The following KCNK13 variants were observed in gnomAD, a reference collection of about 807,000 sequenced individuals.
KCNK13 encodes potassium channel subfamily K member 13.
A neutral mutation model predicts 23.4 loss-of-function variants in KCNK13; 12 were observed. The ratio of observed to expected loss-of-function variants is 0.51; its 90% CI spans 0.33 to 0.83. KCNK13 has a LOEUF of 0.83. KCNK13 is among the 40% of genes least tolerant of loss of function. KCNK13 has a pLI of 0.02. For missense variants in KCNK13, 463 were observed against 556.3 expected (o/e 0.83, Z 1.69); for synonymous variants, 231 against 229.5 (o/e 1.01, Z -0.06).
At chr14:90,140,940 C>G (rs947421217) in intron 1 of KCNK13, among the ~76,000 whole-genome samples, 1 of 152,162 alleles carries the variant, frequency 6.6e-6, no homozygotes, top group Non-Finnish European at 1.5e-5. Flanking sequence ...GCCACCCACT[C>G]TCACATTAGG....
At chr14:90,093,147 G>T in intron 1 of KCNK13, among the ~76,000 whole-genome samples, 1 of 152,064 alleles carries the variant, frequency 6.6e-6, no homozygotes, top group East Asian at 1.9e-4. Context: ...AACACTCCAT[G>T]CAAGATGAGG....
intron 1 of KCNK13, among the ~76,000 whole-genome samples, chr14:90,111,906 A>C (rs563595023): frequency 3.6e-4 from 55 of 152,290 alleles, no homozygotes; most frequent in African/African-American, 1.3e-3. Flanking sequence ...CAGGTGGGTC[A>C]CTGGGCCACA....
At chr14:90,141,966 T>C (rs56099833) in intron 1 of KCNK13, among the ~76,000 whole-genome samples, 9,706 of 151,742 alleles carry the variant, frequency 0.064, 401 homozygotes, top group South Asian at 0.21. Context: ...TTTGTATTTT[T>C]TTAGTAGAGA....
chr14:90,150,751 G>A (rs1890126089), intron 1 of KCNK13, among the ~76,000 whole-genome samples: 1 of 152,170 alleles, frequency 6.6e-6, no homozygotes, highest in Non-Finnish European at 1.5e-5. Context: ...GGGCCTTGGT[G>A]GGAGGTGATT....
chr14:90,100,817 C>A (rs28537286), intron 1 of KCNK13, among the ~76,000 whole-genome samples: 5 of 151,554 alleles, frequency 3.3e-5, no homozygotes, highest in African/African-American at 1.2e-4. Context: ...TCAGCCTCTC[C>A]AGCAGCTGGG....
At chr14:90,171,519 T>C (rs1190158493) in intron 1 of KCNK13, among the ~76,000 whole-genome samples, 1 of 152,220 alleles carries the variant, frequency 6.6e-6, no homozygotes, top group Non-Finnish European at 1.5e-5. Flanking sequence ...GACACGTGCC[T>C]GTGATGCAGC....
chr14:90,105,699 A>C (rs1889536213), intron 1 of KCNK13, among the ~76,000 whole-genome samples: 1 of 152,002 alleles, frequency 6.6e-6, no homozygotes, highest in African/African-American at 2.4e-5. Flanking sequence ...CCTTGAATCC[A>C]ACTCTAAACA....
chr14:90,080,315 G>A (rs1889192089), intron 1 of KCNK13, among the ~76,000 whole-genome samples: 1 of 152,038 alleles, frequency 6.6e-6, no homozygotes, highest in African/African-American at 2.4e-5. Flanking sequence ...AATTAGCCGG[G>A]CCTGGTGGCG....
intron 1 of KCNK13, among the ~76,000 whole-genome samples, chr14:90,077,051 C>T (rs937852779): frequency 2.0e-5 from 3 of 150,324 alleles, no homozygotes; most frequent in Non-Finnish European, 3.0e-5. Context: ...GATCTCCTGA[C>T]CTCGTGATCC....
chr14:90,093,029 G>A (rs1470947055), intron 1 of KCNK13, among the ~76,000 whole-genome samples: 1 of 151,918 alleles, frequency 6.6e-6, no homozygotes. Flanking sequence ...CTCTGGGTAT[G>A]GGGTGGACAC....
intron 1 of KCNK13, among the ~76,000 whole-genome samples, chr14:90,064,124 C>T (rs143253282): frequency 2.6e-4 from 40 of 152,334 alleles, no homozygotes; most frequent in African/African-American, 8.2e-4. Flanking sequence ...TCACCTCCCA[C>T]GTCCCAGAAG....
At chr14:90,133,868 A>G (rs1350794112) in intron 1 of KCNK13, among the ~76,000 whole-genome samples, 1 of 152,126 alleles carries the variant, frequency 6.6e-6, no homozygotes, top group Non-Finnish European at 1.5e-5. Context: ...AGAGCTTTTC[A>G]CAGTGCACTG....
At chr14:90,165,034 G>A (rs369816425) in intron 1 of KCNK13, among the ~76,000 whole-genome samples, 1 of 152,342 alleles carries the variant, frequency 6.6e-6, no homozygotes, top group South Asian at 2.1e-4. Context: ...ATGGTGGAAG[G>A]CAAAGGGGAA....
At chr14:90,064,333 G>GTGCTCCCAGTGGGCACAGAGTCTTGA (rs377293341) in intron 1 of KCNK13, among the ~76,000 whole-genome samples, 1,795 of 115,888 alleles carry the variant, frequency 0.015, 38 homozygotes, top group African/African-American at 0.043. Context: ...CCATCTCTTG[G>GTGCTCCCAGTGGGCACAGAGTCTTGA]TGCTCCCAGT....
chr14:90,100,865 T>G (rs944988529), intron 1 of KCNK13, among the ~76,000 whole-genome samples: 1 of 151,536 alleles, frequency 6.6e-6, no homozygotes, highest in Non-Finnish European at 1.5e-5. Flanking sequence ...GCCAATTGTT[T>G]TATTTATTTG....
At chr14:90,119,068 T>TA (rs1245722421) in intron 1 of KCNK13, among the ~76,000 whole-genome samples, 2 of 152,110 alleles carry the variant, frequency 1.3e-5, no homozygotes, top group Non-Finnish European at 2.9e-5. Context: ...CCTGGACACA[T>TA]ACATCCTCCT....
At chr14:90,063,166 C>G (rs1297953882) in intron 1 of KCNK13, among the ~76,000 whole-genome samples, 1 of 152,104 alleles carries the variant, frequency 6.6e-6, no homozygotes, top group African/African-American at 2.4e-5. Context: ...GAACTGAAAG[C>G]GCGGTTGCAC....
chr14:90,149,846 A>G (rs1890115322), intron 1 of KCNK13, among the ~76,000 whole-genome samples: 1 of 152,222 alleles, frequency 6.6e-6, no homozygotes, highest in African/African-American at 2.4e-5. Flanking sequence ...AGGGCAAAAG[A>G]TGATTGAGGT....
At chr14:90,077,526 A>T (rs1019328088) in intron 1 of KCNK13, among the ~76,000 whole-genome samples, 2 of 152,204 alleles carry the variant, frequency 1.3e-5, no homozygotes, top group African/African-American at 4.8e-5. Context: ...TTCGTGTTTT[A>T]AAAAGTCTAC....
Sources: gnomAD v4.1 joint callset for allele counts (sites outside exome capture counted in the v4.1 genomes callset) on GRCh38, gnomAD v4.1.1 for gene constraint, MANE v1.5 for transcripts, NCBI Gene and HGNC (gene_info 2026-07-23, HGNC 2026-07-21) for gene names.